The following DENND4C variants were observed in gnomAD, a reference collection of about 807,000 sequenced individuals.
DENND4C encodes DENN domain-containing protein 4C.
Under a neutral mutation model 203.0 loss-of-function variants are expected in DENND4C, and 108 were observed. The observed-to-expected ratio is 0.53, with a 90% CI of 0.46 to 0.62. The LOEUF (loss-of-function observed/expected upper bound fraction) is 0.62. Ranked by LOEUF, DENND4C falls within the 20% of genes least tolerant of loss-of-function variation. The pLI, the probability that DENND4C is intolerant of heterozygous loss-of-function variation, is 0.00. For synonymous variants in DENND4C, 871 were observed against 792.4 expected, an observed-to-expected ratio of 1.10 and a Z score of -1.67; for missense variants, 2,481 against 2,301.2, an observed-to-expected ratio of 1.08 and a Z score of -1.60.
chr9:19,252,742 T>C (rs901722851), intron 1 of DENND4C, among the ~76,000 whole-genome samples: 1 of 144,642 alleles, frequency 6.9e-6, no homozygotes, highest in Admixed American at 6.9e-5. Flanking sequence ...CACACACACA[T>C]ACTTTTTTTT....
chr9:19,334,893 C>A, intron 17 of DENND4C, 84 bp from the exon 18 acceptor site: 3 of 1,311,416 alleles, frequency 2.3e-6, no homozygotes, highest in South Asian at 1.7e-5. Flanking sequence ...TTAATAACTT[C>A]ATGGAAAGAA....
At chr9:19,370,466 A>G (rs1828593225) in intron 31 of DENND4C, among the ~76,000 whole-genome samples, 1 of 152,188 alleles carries the variant, frequency 6.6e-6, no homozygotes, top group Non-Finnish European at 1.5e-5. Flanking sequence ...AAAAAAAAAA[A>G]AGAGTGGAAA....
intron 1 of DENND4C, among the ~76,000 whole-genome samples, chr9:19,253,726 T>A (rs1240581227): frequency 2.0e-5 from 3 of 152,230 alleles, no homozygotes; most frequent in Non-Finnish European, 2.9e-5. Context: ...TAGTTTTTTT[T>A]ATCTTTTTTT....
Position 19,276,163 on chromosome 9 carries a change from A to G in DENND4C, c.-12A>G. The G allele has an allele frequency of 8.1e-7, 1 of 1,230,880 alleles. No individual in the cohort carries two copies. The highest frequency in any genetic ancestry group is 1.0e-6 in the Non-Finnish European group (1 of 986,800). The allele number at this position is 1,230,880 out of a possible 1,614,324, so 76.2% of individuals were successfully genotyped here. On this transcript the variant is annotated 5_prime_UTR_variant, in exon 2 of 33. The change creates a new upstream start codon in the 5' untranslated region. Transcript: ENST00000434457. The stretch of plus-strand genomic sequence containing the variant: ...CTTTCCCCTCCCTCTTCTAGAAAAT[A>G]CAGTAGCAGCCATGATAGAAGACAA...
intron 2 of DENND4C, among the ~76,000 whole-genome samples, chr9:19,284,469 A>G (rs1834794252): frequency 6.6e-6 from 1 of 152,212 alleles, no homozygotes; most frequent in Non-Finnish European, 1.5e-5. Context: ...GTTTTCAGGT[A>G]GATCCTAGAA....
At chr9:19,371,536 T>C in intron 31 of DENND4C, 2 of 309,454 alleles carry the variant, frequency 6.5e-6, no homozygotes, top group Non-Finnish European at 1.2e-5. Flanking sequence ...CTGCAGGAAG[T>C]TACAAAAATA....
At chr9:19,320,887 G>A (rs1414540595) in intron 12 of DENND4C, among the ~76,000 whole-genome samples, 1 of 152,192 alleles carries the variant, frequency 6.6e-6, no homozygotes, top group Non-Finnish European at 1.5e-5. Context: ...AACTTGTGGA[G>A]AATAATTTAT....
intron 1 of DENND4C, among the ~76,000 whole-genome samples, chr9:19,271,383 T>A (rs1034727927): frequency 5.9e-5 from 9 of 151,988 alleles, no homozygotes; most frequent in African/African-American, 2.2e-4. Context: ...GTATTTTTAG[T>A]AAAGACTGGG....
At chr9:19,335,656 G>C (rs1188092930) in intron 18 of DENND4C, among the ~76,000 whole-genome samples, 1 of 151,872 alleles carries the variant, frequency 6.6e-6, no homozygotes, top group Admixed American at 6.6e-5. Context: ...TGTCCTCTGG[G>C]TTCATTCATA....
intron 5 of DENND4C, among the ~76,000 whole-genome samples, chr9:19,294,394 C>G (rs984746603): frequency 6.6e-6 from 1 of 151,990 alleles, no homozygotes; most frequent in Non-Finnish European, 1.5e-5. Flanking sequence ...TTGTGTCATA[C>G]AAGGAAAGGG....
intron 12 of DENND4C, among the ~76,000 whole-genome samples, chr9:19,323,430 GA>G (rs35063286): frequency 0.24 from 32,048 of 136,182 alleles, 4,866 homozygotes; most frequent in African/African-American, 0.45. Flanking sequence ...ACTCTGTCTG[GA>G]AAAAAAAAAA....
At chr9:19,319,403 TAC>T (rs1427103068) in intron 12 of DENND4C, among the ~76,000 whole-genome samples, 14 of 142,258 alleles carry the variant, frequency 9.8e-5, no homozygotes, top group African/African-American at 2.4e-4. Flanking sequence ...CATATATATA[TAC>T]ACACATATAT....
chr9:19,310,973 G>T (rs777081885), intron 10 of DENND4C, among the ~76,000 whole-genome samples: 1 of 152,088 alleles, frequency 6.6e-6, no homozygotes, highest in Non-Finnish European at 1.5e-5. Context: ...GTTCATAAAT[G>T]ATATTGGCCT....
chr9:19,372,214 T>A lies in DENND4C; in HGVS notation c.*41T>A. ...AATGTTGACACACAAGGCTTGGGGA[T>A]TAGATTTCATCTGGAAACATTCAAG... On this transcript the variant is annotated 3_prime_UTR_variant, in exon 33 of 33. Transcript: ENST00000434457. The A allele has an allele frequency of 6.4e-7, 1 of 1,573,774 alleles. No individual in the cohort carries two copies.
intron 1 of DENND4C, among the ~76,000 whole-genome samples, chr9:19,241,993 C>A (rs772946768): frequency 5.3e-5 from 8 of 152,140 alleles, no homozygotes; most frequent in Non-Finnish European, 1.0e-4. Flanking sequence ...GAGTTTGAGA[C>A]CAGCCTGGGC....
intron 1 of DENND4C, among the ~76,000 whole-genome samples, chr9:19,268,439 T>C (rs1011214257): frequency 3.3e-5 from 5 of 152,212 alleles, no homozygotes; most frequent in Admixed American, 2.6e-4. Flanking sequence ...TTATTCTTTC[T>C]GTTTGAGATA....
At chr9:19,269,360 C>T (rs555942824) in intron 1 of DENND4C, among the ~76,000 whole-genome samples, 9 of 152,096 alleles carry the variant, frequency 5.9e-5, no homozygotes, top group South Asian at 4.2e-4. Flanking sequence ...GGTTTCACCA[C>T]GTTGGCCAGG....
At chr9:19,233,747 C>A (rs1275994352) in intron 1 of DENND4C, among the ~76,000 whole-genome samples, 4 of 152,058 alleles carry the variant, frequency 2.6e-5, no homozygotes, top group African/African-American at 9.7e-5. Flanking sequence ...TGCCTGCCAC[C>A]ACGCCTGGCT....
At position 19,350,790 on chromosome 9, in the gene DENND4C, G is replaced by C. The variant is rs761677861; in HGVS notation, c.4406G>C (p.Gly1469Ala). ...ENISPNTSIS[G>A]LVPSELTQSN... ...ATATCGCCTAACACAAGTATCTCAG[G>C]GTTGGTCCCCAGTGAACTTACCCAG... The change falls in exon 24 of 33, where the codon GGG (glycine) becomes GCG (alanine). Residue 1469 changes from glycine to alanine, a missense_variant. This residue lies in a region of DENND4C where 2,289 missense variants were observed against 2,113.3 expected (regional missense o/e 1.08). Transcript: ENST00000434457. The C allele has an allele frequency of 5.6e-6, 9 of 1,613,924 alleles. No homozygotes were observed. Among genetic ancestry groups the C allele is most frequent in the Non-Finnish European group, 7.6e-6 (9 of 1,180,018 alleles).
Sources: gnomAD v4.1 joint callset for allele counts (sites outside exome capture counted in the v4.1 genomes callset) on GRCh38, gnomAD v4.1.1 for gene constraint, gnomAD v4.1.1 regional missense constraint, MANE v1.5 for transcripts, NCBI Gene and HGNC (gene_info 2026-07-23, HGNC 2026-07-21) for gene names.